TTC28: variants seen among roughly 807,000 people sequenced by gnomAD.
TTC28 encodes the protein tetratricopeptide repeat protein 28.
A neutral mutation model predicts 198.0 loss-of-function variants in TTC28; 61 were observed. The ratio of observed to expected loss-of-function variants is 0.31; its 90% CI spans 0.25 to 0.38. The LOEUF (loss-of-function observed/expected upper bound fraction) is 0.38, where lower values mean the gene tolerates loss of function less well. TTC28 is among the 10% of genes least tolerant of loss of function. The pLI is 1.00. For synonymous variants in TTC28, 1,171 were observed against 1,297.8 expected, an observed-to-expected ratio of 0.90 and a Z score of 2.10; for missense variants, 2,678 against 3,164.0, an observed-to-expected ratio of 0.85 and a Z score of 3.69.
At chr22:28,511,482 C>T (rs1016379120) in intron 2 of TTC28, among the ~76,000 whole-genome samples, 1 of 152,114 alleles carries the variant, frequency 6.6e-6, no homozygotes, top group Admixed American at 6.6e-5. Context: ...TGGACCCCTT[C>T]CTTACACCAT....
intron 5 of TTC28, among the ~76,000 whole-genome samples, chr22:28,181,179 G>A (rs532015369): frequency 1.3e-5 from 2 of 152,268 alleles, no homozygotes; most frequent in South Asian, 4.1e-4. Context: ...AGGGTTGGAA[G>A]AACAATATGT....
intron 3 of TTC28, among the ~76,000 whole-genome samples, chr22:28,304,198 T>C (rs372566980): frequency 6.6e-6 from 1 of 150,954 alleles, no homozygotes; most frequent in Admixed American, 6.6e-5. Flanking sequence ...GGCAGGAGAA[T>C]GGCGTGAACC....
intron 2 of TTC28, among the ~76,000 whole-genome samples, chr22:28,523,803 G>T (rs1256330891): frequency 1.3e-5 from 2 of 151,948 alleles, no homozygotes; most frequent in African/African-American, 4.8e-5. Flanking sequence ...ATAGAAAACA[G>T]GTATGTTTTA....
At chr22:28,216,261 G>A (rs927916940) in intron 5 of TTC28, among the ~76,000 whole-genome samples, 1 of 152,214 alleles carries the variant, frequency 6.6e-6, no homozygotes, top group African/African-American at 2.4e-5. Context: ...TAGCTGATTT[G>A]AAAGAAGTCC....
chr22:28,415,238 A>AT (rs1786073098), intron 2 of TTC28, among the ~76,000 whole-genome samples: 1 of 152,204 alleles, frequency 6.6e-6, no homozygotes, highest in South Asian at 2.1e-4. Context: ...ATTATCAGAT[A>AT]AATGGAATTC....
chr22:28,268,006 C>A (rs1283214687), intron 5 of TTC28, among the ~76,000 whole-genome samples: 2 of 152,072 alleles, frequency 1.3e-5, no homozygotes, highest in Non-Finnish European at 2.9e-5. Context: ...TATGTCAACG[C>A]CTAGTGTGCC....
intron 2 of TTC28, among the ~76,000 whole-genome samples, chr22:28,447,594 T>G (rs1267605058): frequency 2.0e-5 from 3 of 152,216 alleles, no homozygotes; most frequent in African/African-American, 7.2e-5. Flanking sequence ...TGAACGCATC[T>G]GTGAATCCAT....
At chr22:28,390,252 T>A (rs1303189150) in intron 2 of TTC28, among the ~76,000 whole-genome samples, 1 of 152,120 alleles carries the variant, frequency 6.6e-6, no homozygotes, top group Non-Finnish European at 1.5e-5. Flanking sequence ...TGAGGAGAGC[T>A]TTACTTCCAA....
At chr22:28,144,747 G>A (rs1297717506) in intron 6 of TTC28, among the ~76,000 whole-genome samples, 2 of 152,232 alleles carry the variant, frequency 1.3e-5, no homozygotes, top group African/African-American at 4.8e-5. Context: ...ATCAAATGGG[G>A]AGCCCGTAGC....
intron 2 of TTC28, among the ~76,000 whole-genome samples, chr22:28,447,639 C>T (rs868740689): frequency 6.6e-6 from 1 of 152,056 alleles, no homozygotes; most frequent in African/African-American, 2.4e-5. Context: ...ACTGAAGTCT[C>T]GGTCTTAGGC....
chr22:28,507,255 C>T (rs1192715946), intron 2 of TTC28, among the ~76,000 whole-genome samples: 1 of 152,118 alleles, frequency 6.6e-6, no homozygotes, highest in Non-Finnish European at 1.5e-5. Flanking sequence ...ACATGAAAAC[C>T]TCACAATGCC....
intron 1 of TTC28, among the ~76,000 whole-genome samples, chr22:28,642,301 G>C (rs1342681804): frequency 6.6e-6 from 1 of 151,692 alleles, no homozygotes; most frequent in East Asian, 1.9e-4. Context: ...AATAGGAAAA[G>C]TTTTGTGAAC....
chr22:28,211,420 A>G (rs1331914589), intron 5 of TTC28, among the ~76,000 whole-genome samples: 2 of 152,182 alleles, frequency 1.3e-5, no homozygotes, highest in African/African-American at 4.8e-5. Context: ...TAGGCTCAAA[A>G]TAAAGGGATG....
At chr22:28,518,152 T>C (rs975241680) in intron 2 of TTC28, among the ~76,000 whole-genome samples, 2 of 152,138 alleles carry the variant, frequency 1.3e-5, no homozygotes, top group Non-Finnish European at 2.9e-5. Context: ...TTAGCAGAAA[T>C]CTTAAAATGT....
chr22:28,250,347 T>A (rs1460651455), intron 5 of TTC28, among the ~76,000 whole-genome samples: 1 of 152,204 alleles, frequency 6.6e-6, no homozygotes, highest in African/African-American at 2.4e-5. Context: ...AAACTCTACA[T>A]CTCTCATAAG....
intron 2 of TTC28, among the ~76,000 whole-genome samples, chr22:28,588,006 G>T (rs1330598095): frequency 6.6e-6 from 1 of 151,778 alleles, no homozygotes; most frequent in Non-Finnish European, 1.5e-5. Flanking sequence ...GCCAGGCGTG[G>T]TGGCAGGCGC....
chr22:28,096,465 G>A (rs1941978675), intron 10 of TTC28, 57 bp from the exon 11 acceptor site: 1 of 1,525,660 alleles, frequency 6.6e-7, no homozygotes, highest in Admixed American at 2.0e-5. Flanking sequence ...ACTTAGAGAG[G>A]CCTATCAGGG....
intron 5 of TTC28, among the ~76,000 whole-genome samples, chr22:28,264,082 C>T (rs1434082919): frequency 2.0e-5 from 3 of 152,184 alleles, no homozygotes; most frequent in Admixed American, 6.5e-5. Context: ...TTGGCTGTGT[C>T]GCCAGCCAAA....
At chr22:27,987,008 G>A (rs1445584670) in intron 21 of TTC28, among the ~76,000 whole-genome samples, 2 of 152,194 alleles carry the variant, frequency 1.3e-5, no homozygotes, top group African/African-American at 2.4e-5. Flanking sequence ...GACAGCCCAT[G>A]CTGGGTTGTG....
Sources: gnomAD v4.1 joint callset for allele counts (sites outside exome capture counted in the v4.1 genomes callset) on GRCh38, gnomAD v4.1.1 for gene constraint, MANE v1.5 for transcripts, NCBI Gene and HGNC (gene_info 2026-07-23, HGNC 2026-07-21) for gene names.